GRM1: variants seen among roughly 807,000 people sequenced by gnomAD.
GRM1 encodes the protein glutamate metabotropic receptor 1.
Under a neutral mutation model 90.9 loss-of-function variants are expected in GRM1, and 33 were observed. That is an observed-to-expected ratio of 0.36 (90% CI 0.28 to 0.49). The LOEUF (loss-of-function observed/expected upper bound fraction) is 0.49. Ranked by LOEUF, GRM1 falls within the 20% of genes least tolerant of loss-of-function variation. The pLI is 0.99. For missense variants in GRM1, 1,190 were observed against 1,534.3 expected (o/e 0.78, Z 3.75); for synonymous variants, 700 against 613.2 (o/e 1.14, Z -2.09).
intron 1 of GRM1, among the ~76,000 whole-genome samples, chr6:146,135,607 G>A (rs1241302628): frequency 2.0e-5 from 3 of 152,194 alleles, no homozygotes; most frequent in Non-Finnish European, 2.9e-5. Flanking sequence ...CATTGAGGCA[G>A]AACCAACCAC....
intron 2 of GRM1, among the ~76,000 whole-genome samples, chr6:146,178,135 T>C (rs1778401922): frequency 3.3e-5 from 5 of 152,204 alleles, no homozygotes; most frequent in South Asian, 4.1e-4. Context: ...GAATACCACA[T>C]TCTCTTTAGT....
At chr6:146,309,353 C>T (rs555096881) in intron 3 of GRM1, among the ~76,000 whole-genome samples, 20 of 151,390 alleles carry the variant, frequency 1.3e-4, no homozygotes, top group African/African-American at 3.9e-4. Flanking sequence ...GAGCCGAGAT[C>T]GCGCCACTGC....
chr6:146,352,600 G>C, intron 4 of GRM1, 104 bp downstream of exon 4: 2 of 1,156,204 alleles, frequency 1.7e-6, no homozygotes, highest in Non-Finnish European at 1.3e-6. Flanking sequence ...GGTGCCATGA[G>C]GATAGATACA....
At chr6:146,335,267 T>C (rs1158023516) in intron 3 of GRM1, among the ~76,000 whole-genome samples, 2 of 152,206 alleles carry the variant, frequency 1.3e-5, no homozygotes, top group African/African-American at 2.4e-5. Flanking sequence ...TGTATTTATG[T>C]AATGTTCTTT....
chr6:146,332,156 G>T (rs1352527737), intron 3 of GRM1, among the ~76,000 whole-genome samples: 1 of 152,136 alleles, frequency 6.6e-6, no homozygotes, highest in Non-Finnish European at 1.5e-5. Flanking sequence ...TGCATTGTGT[G>T]TATCTGCCAA....
At chr6:146,237,244 G>A (rs1320633062) in intron 2 of GRM1, among the ~76,000 whole-genome samples, 10 of 151,992 alleles carry the variant, frequency 6.6e-5, no homozygotes, top group Admixed American at 3.3e-4. Context: ...TGTATAGCAG[G>A]AGGAAATGGG....
In GRM1 at chr6:146,324,123, C is replaced by T. The variant is rs1583325862; in HGVS notation, c.1186+19277C>T. ...GGAGGAATCTAGAGAGGCAGTCTGG[C>T]TACAGCGGCTTTGCGGAGCTGCGGT... On this transcript the variant is annotated intron_variant, in intron 3 of 7. Coordinates refer to ENST00000282753, the MANE Select transcript of GRM1 (RefSeq NM_001278064.2). 2.6e-5 allele frequency among the ~76,000 whole-genome samples: 4 copies of T among 152,314 alleles called. No individual in the cohort carries two copies. In the East Asian group the frequency reaches 7.7e-4, roughly 29 times the overall value.
At chr6:146,103,146 C>G (rs1453148493) in intron 1 of GRM1, among the ~76,000 whole-genome samples, 2 of 152,222 alleles carry the variant, frequency 1.3e-5, no homozygotes, top group East Asian at 3.9e-4. Context: ...TTATACCAAA[C>G]ATGGTGAAAT....
chr6:146,341,477 C>A (rs976778778), intron 3 of GRM1, among the ~76,000 whole-genome samples: 1 of 152,092 alleles, frequency 6.6e-6, no homozygotes, highest in Admixed American at 6.5e-5. Context: ...GACAAATAAG[C>A]ACCTGACCAC....
intron 1 of GRM1, among the ~76,000 whole-genome samples, chr6:146,058,764 T>C (rs760009133): frequency 1.1e-4 from 17 of 152,148 alleles, no homozygotes; most frequent in Non-Finnish European, 1.9e-4. Flanking sequence ...GTTTATGTAA[T>C]GGTCTCAATC....
At chr6:146,230,745 C>A (rs543612802) in intron 2 of GRM1, among the ~76,000 whole-genome samples, 2 of 152,126 alleles carry the variant, frequency 1.3e-5, no homozygotes, top group East Asian at 3.9e-4. Context: ...TTATAATTAC[C>A]AAATCTTGGA....
chr6:146,379,461 A>G (rs1776238149), intron 5 of GRM1, among the ~76,000 whole-genome samples: 1 of 150,664 alleles, frequency 6.6e-6, no homozygotes, highest in South Asian at 2.1e-4. Flanking sequence ...TTTATCTGAT[A>G]GAATTCTGAA....
At chr6:146,336,850 TA>T (rs956307049) in intron 3 of GRM1, among the ~76,000 whole-genome samples, 1 of 152,204 alleles carries the variant, frequency 6.6e-6, no homozygotes, top group African/African-American at 2.4e-5. Context: ...CACAACTAAT[TA>T]AAAACTTGTT....
chr6:146,159,071 T>C (rs1583087685), intron 1 of GRM1, among the ~76,000 whole-genome samples: 1 of 152,200 alleles, frequency 6.6e-6, no homozygotes, highest in African/African-American at 2.4e-5. Flanking sequence ...TAATAATGGT[T>C]GTAAAATAGG....
At chr6:146,080,406 G>A (rs1300646076) in intron 1 of GRM1, among the ~76,000 whole-genome samples, 1 of 152,108 alleles carries the variant, frequency 6.6e-6, no homozygotes, top group African/African-American at 2.4e-5. Flanking sequence ...CTTACTTTTT[G>A]TGTTTCTAAT....
intron 2 of GRM1, among the ~76,000 whole-genome samples, chr6:146,263,031 A>G (rs1430519619): frequency 6.6e-6 from 1 of 151,990 alleles, no homozygotes. Flanking sequence ...TGCTGAATGT[A>G]AATAACACTA....
chr6:146,422,490 A>T lies in GRM1; in HGVS notation c.2661-11382A>T, dbSNP rs184111211. Among the ~76,000 whole-genome samples the T allele has an allele frequency of 1.7e-4, 26 of 152,298 alleles. No homozygotes were observed. The East Asian group carries it at 4.4e-3, about 26-fold the overall frequency. On this transcript the variant is annotated intron_variant, in intron 7 of 7. Transcript: ENST00000282753. ...ATAAGGGTATTAATAGCAATGGCTT[A>T]TGGATTAGGCTGGAATAGCATTTTG...
chr6:146,379,618 A>G (rs1399478950), intron 5 of GRM1, among the ~76,000 whole-genome samples: 1 of 151,942 alleles, frequency 6.6e-6, no homozygotes, highest in African/African-American at 2.4e-5. Context: ...GTTTTCCTGG[A>G]TGGTGTTGAT....
At chr6:146,179,494 A>G (rs942328578) in intron 2 of GRM1, among the ~76,000 whole-genome samples, 7 of 152,096 alleles carry the variant, frequency 4.6e-5, no homozygotes, top group African/African-American at 1.4e-4. Flanking sequence ...GCATGCCCAG[A>G]ATTAGAACTC....
Sources: allele counts gnomAD v4.1 joint callset (sites outside exome capture counted in the v4.1 genomes callset), GRCh38; gene constraint gnomAD v4.1.1; transcripts MANE v1.5; gene names NCBI Gene and HGNC (gene_info 2026-07-23, HGNC 2026-07-21).